SGCZ: variants seen among roughly 807,000 people sequenced by gnomAD.
SGCZ encodes zeta-sarcoglycan.
Under a neutral mutation model 41.3 loss-of-function variants are expected in SGCZ, and 40 were observed. The observed-to-expected ratio is 0.97, with a 90% CI of 0.75 to 1.26. The LOEUF (loss-of-function observed/expected upper bound fraction) is 1.26. Among genes scored for constraint, SGCZ ranks in the 50% most tolerant of loss-of-function variants. The pLI, the probability that SGCZ is intolerant of heterozygous loss-of-function variation, is 0.00. For synonymous variants in SGCZ, 206 were observed against 137.5 expected, an observed-to-expected ratio of 1.50 and a Z score of -3.49; for missense variants, 552 against 369.8, an observed-to-expected ratio of 1.49 and a Z score of -4.04.
intron 1 of SGCZ, among the ~76,000 whole-genome samples, chr8:14,643,192 T>G (rs1272432787): frequency 6.6e-6 from 1 of 151,630 alleles, no homozygotes; most frequent in Admixed American, 6.6e-5. Flanking sequence ...TATTTCCTGA[T>G]TGGCATCACT....
intron 1 of SGCZ, among the ~76,000 whole-genome samples, chr8:15,164,098 C>T (rs1280229739): frequency 2.0e-5 from 3 of 152,232 alleles, no homozygotes; most frequent in East Asian, 3.9e-4. Flanking sequence ...AAAACCCTAT[C>T]TCACTCACCA....
intron 2 of SGCZ, among the ~76,000 whole-genome samples, chr8:14,470,194 G>A (rs759871184): frequency 8.6e-5 from 13 of 151,968 alleles, no homozygotes; most frequent in African/African-American, 1.9e-4. Context: ...AAAACTTCTC[G>A]CAACGTTTGG....
At chr8:14,684,640 A>C (rs1808550459) in intron 1 of SGCZ, among the ~76,000 whole-genome samples, 1 of 152,216 alleles carries the variant, frequency 6.6e-6, no homozygotes, top group African/African-American at 2.4e-5. Flanking sequence ...AGTTCATCTA[A>C]ATGATGCATC....
At chr8:14,745,364 T>A (rs946825901) in intron 1 of SGCZ, among the ~76,000 whole-genome samples, 1 of 152,178 alleles carries the variant, frequency 6.6e-6, no homozygotes, top group African/African-American at 2.4e-5. Flanking sequence ...ATCTGTATAA[T>A]ACATATTGAT....
intron 1 of SGCZ, among the ~76,000 whole-genome samples, chr8:14,999,545 G>A (rs921409185): frequency 6.6e-6 from 1 of 152,144 alleles, no homozygotes; most frequent in Non-Finnish European, 1.5e-5. Flanking sequence ...TATTAGGGTC[G>A]AGAAAAAGGA....
intron 2 of SGCZ, among the ~76,000 whole-genome samples, chr8:14,398,938 T>C (rs1458933212): frequency 2.0e-5 from 3 of 152,080 alleles, no homozygotes; most frequent in Non-Finnish European, 2.9e-5. Flanking sequence ...TCCGTTACAA[T>C]TTTCTTTTCT....
intron 1 of SGCZ, among the ~76,000 whole-genome samples, chr8:15,210,836 G>A (rs568470110): frequency 1.3e-5 from 2 of 152,040 alleles, no homozygotes; most frequent in South Asian, 2.1e-4. Context: ...TTCTTACTCA[G>A]TCACTCCCAT....
intron 5 of SGCZ, among the ~76,000 whole-genome samples, chr8:14,114,812 TA>T (rs1341849169): frequency 6.6e-6 from 1 of 152,028 alleles, no homozygotes; most frequent in Non-Finnish European, 1.5e-5. Flanking sequence ...TTCAAGAAGT[TA>T]TGTTTTACTA....
At chr8:14,650,863 T>C (rs1359110581) in intron 1 of SGCZ, among the ~76,000 whole-genome samples, 1 of 152,078 alleles carries the variant, frequency 6.6e-6, no homozygotes, top group Admixed American at 6.6e-5. Flanking sequence ...ATGTTATACC[T>C]ATATGAATGA....
chr8:14,400,860 T>A (rs1287580744), intron 2 of SGCZ, among the ~76,000 whole-genome samples: 1 of 152,198 alleles, frequency 6.6e-6, no homozygotes, highest in East Asian at 1.9e-4. Context: ...CAAGTTAATT[T>A]GCTTGTGGAT....
At chr8:15,102,778 A>T (rs1178667440) in intron 1 of SGCZ, among the ~76,000 whole-genome samples, 1 of 152,206 alleles carries the variant, frequency 6.6e-6, no homozygotes, top group African/African-American at 2.4e-5. Context: ...CATTAAAGTG[A>T]ACATTATTTA....
chr8:14,888,584 A>T (rs1804896708), intron 1 of SGCZ, among the ~76,000 whole-genome samples: 1 of 152,206 alleles, frequency 6.6e-6, no homozygotes, highest in African/African-American at 2.4e-5. Flanking sequence ...TTGAAAGTTT[A>T]TAAGAAAAAT....
chr8:14,556,294 CAT>C (rs1563408607), intron 1 of SGCZ, among the ~76,000 whole-genome samples: 2 of 151,418 alleles, frequency 1.3e-5, no homozygotes, highest in Non-Finnish European at 2.9e-5. Flanking sequence ...ACGAATCTAA[CAT>C]AAATACTTCT....
chr8:14,109,023 C>A (rs1391177548), intron 5 of SGCZ, among the ~76,000 whole-genome samples: 1 of 152,074 alleles, frequency 6.6e-6, no homozygotes, highest in Non-Finnish European at 1.5e-5. Context: ...TTTTTAAAGA[C>A]AAACCCTCAT....
chr8:14,282,264 A>G (rs1800471932), intron 3 of SGCZ, among the ~76,000 whole-genome samples: 1 of 152,256 alleles, frequency 6.6e-6, no homozygotes, highest in Middle Eastern at 3.4e-3. Context: ...TAATTATCAG[A>G]AACATTTGTT....
In SGCZ at chr8:15,121,436, G is replaced by C. The variant is rs559003268; in HGVS notation, c.39+116149C>G. Among the ~76,000 whole-genome samples the C allele has an allele frequency of 3.4e-4, 51 of 152,220 alleles. 1 individual carries two copies. The highest frequency in any genetic ancestry group is 3.4e-3 in the Middle Eastern group (1 of 294). On this transcript the variant is annotated intron_variant, in intron 1 of 7. Coordinates refer to ENST00000382080, the MANE Select transcript of SGCZ (RefSeq NM_139167.4). ...CTACAAAATGTGTCATATAGCAGAT[G>C]ACCTTCCAAGTACCAAGAAGACTCA...
At chr8:14,399,801 T>A (rs1411583419) in intron 2 of SGCZ, among the ~76,000 whole-genome samples, 1 of 152,174 alleles carries the variant, frequency 6.6e-6, no homozygotes, top group African/African-American at 2.4e-5. Context: ...AAATAGCTGA[T>A]AATATTAATC....
chr8:14,185,717 C>T (rs575657059), intron 4 of SGCZ, among the ~76,000 whole-genome samples: 3 of 152,040 alleles, frequency 2.0e-5, no homozygotes, highest in Non-Finnish European at 2.9e-5. Flanking sequence ...GCTCACTCAT[C>T]GTCTTTCTAT....
chr8:14,873,669 T>C (rs1804246617), intron 1 of SGCZ, among the ~76,000 whole-genome samples: 2 of 152,090 alleles, frequency 1.3e-5, no homozygotes, highest in Admixed American at 6.6e-5. Context: ...CCAGCAAGAA[T>C]AAAGATGAGA....
Sources: gnomAD v4.1 joint callset for allele counts (sites outside exome capture counted in the v4.1 genomes callset) on GRCh38, gnomAD v4.1.1 for gene constraint, MANE v1.5 for transcripts, NCBI Gene and HGNC (gene_info 2026-07-23, HGNC 2026-07-21) for gene names.